PALLD: variants seen among roughly 807,000 people sequenced by gnomAD.
PALLD encodes the protein palladin.
A neutral mutation model predicts 123.5 loss-of-function variants in PALLD; 61 were observed. The ratio of observed to expected loss-of-function variants is 0.49; its 90% CI spans 0.40 to 0.61. The LOEUF (loss-of-function observed/expected upper bound fraction) is 0.61. Among genes scored for constraint, PALLD ranks in the 20% least tolerant of loss-of-function variants. The pLI, the probability that PALLD is intolerant of heterozygous loss-of-function variation, is 0.00. For synonymous variants in PALLD, 465 were observed against 496.4 expected, an observed-to-expected ratio of 0.94 and a Z score of 0.84; for missense variants, 1,273 against 1,377.0, an observed-to-expected ratio of 0.92 and a Z score of 1.20.
intron 10 of PALLD, among the ~76,000 whole-genome samples, chr4:168,872,536 TG>T: frequency 6.6e-6 from 1 of 152,376 alleles, no homozygotes; most frequent in East Asian, 1.9e-4. Context: ...AGCATTTTTT[TG>T]TTTATGGTAC....
chr4:168,651,585 T>C (rs188284752), intron 2 of PALLD, among the ~76,000 whole-genome samples: 341 of 152,256 alleles, frequency 2.2e-3, no homozygotes, highest in Non-Finnish European at 4.0e-3. Context: ...CTCTTTTTTT[T>C]TCCCCCCCGC....
intron 16 of PALLD, 109 bp from the exon 17 acceptor site, chr4:168,915,786 T>C: frequency 2.4e-6 from 2 of 832,646 alleles, no homozygotes; most frequent in South Asian, 2.9e-5. Flanking sequence ...AGGGATCAGA[T>C]AAGGAAATCA....
chr4:168,858,731 G>A (rs1248150841), intron 10 of PALLD, among the ~76,000 whole-genome samples: 5 of 151,858 alleles, frequency 3.3e-5, no homozygotes, highest in South Asian at 2.1e-4. Context: ...GCAGTGAGCC[G>A]TGATAGTGCC....
At chr4:168,614,835 G>A (rs145190303) in intron 2 of PALLD, among the ~76,000 whole-genome samples, 5 of 152,204 alleles carry the variant, frequency 3.3e-5, no homozygotes, top group African/African-American at 1.2e-4. Flanking sequence ...AGTCCTGCAC[G>A]GTAAACCACA....
intron 2 of PALLD, among the ~76,000 whole-genome samples, chr4:168,518,548 G>T (rs1032416524): frequency 1.3e-5 from 2 of 152,150 alleles, no homozygotes; most frequent in African/African-American, 4.8e-5. Context: ...GTTCTTGTCT[G>T]GGGCCTGTGT....
rs1042946483 is a variant in PALLD at position 168,539,391 on chromosome 4, C to A, written c.908+26979C>A. ...AATAACAAGGTCAAGAGTTCGAGAC[C>A]AGCCTGGCTAACATGGAGAAACCCC... On this transcript the variant is annotated intron_variant, in intron 2 of 21. Transcript: ENST00000505667. Among the ~76,000 whole-genome samples, 4 of 152,094 alleles carry A rather than the reference C, an allele frequency of 2.6e-5. No homozygotes were observed. The East Asian group carries it at 7.8e-4, about 30-fold the overall frequency.
At chr4:168,799,659 A>T (rs140206038) in intron 10 of PALLD, among the ~76,000 whole-genome samples, 24 of 152,358 alleles carry the variant, frequency 1.6e-4, no homozygotes, top group African/African-American at 5.3e-4. Context: ...TGCGAAAAGC[A>T]TGTGTAAAAT....
chr4:168,639,801 C>T (rs900571837), intron 2 of PALLD, among the ~76,000 whole-genome samples: 1 of 152,294 alleles, frequency 6.6e-6, no homozygotes, highest in African/African-American at 2.4e-5. Flanking sequence ...GCCTCGGCCA[C>T]CCAAAGTGCT....
rs1561490431 is a variant in PALLD, at chr4:168,759,198, A to ATGT, written c.1964+47275_1964+47276insTGT. Among the ~76,000 whole-genome samples the ATGT allele has an allele frequency of 1.9e-3, 60 of 31,670 alleles. 2 individuals are homozygous for ATGT. The highest frequency in any genetic ancestry group is 3.2e-3 in the Non-Finnish European group (54 of 16,878). The allele number at this position is 31,670 out of a possible 152,430, so 20.8% of individuals were successfully genotyped here. On this transcript the variant is annotated intron_variant, in intron 10 of 21. Coordinates refer to ENST00000505667, the MANE Select transcript of PALLD (RefSeq NM_001166108.2). ...CCATCTCAAAAAAAAAAAAAAAAAA[A>ATGT]AAAAATATATATATATATATATATA...
chr4:168,730,991 A>G (rs1200579293), intron 10 of PALLD, among the ~76,000 whole-genome samples: 1 of 152,120 alleles, frequency 6.6e-6, no homozygotes, highest in Non-Finnish European at 1.5e-5. Flanking sequence ...CCTACAAGAA[A>G]TGGGGGAAGG....
At chr4:168,743,930 G>A (rs568009995) in intron 10 of PALLD, among the ~76,000 whole-genome samples, 116 of 152,256 alleles carry the variant, frequency 7.6e-4, no homozygotes, top group African/African-American at 2.6e-3. Context: ...TAACAGATGG[G>A]AATTTGCTTC....
Position 168,512,103 on chromosome 4 carries a change from C to G in PALLD, c.599C>G (p.Pro200Arg), listed in dbSNP as rs1381722368. The change falls in exon 2 of 22, where the codon CCA becomes CGA. Residue 200 changes from proline (P) to arginine (R), a missense_variant. Pro to Arg is a moderately radical substitution (Grantham distance 103). This residue lies in a region of PALLD where 944 missense variants were observed against 954.5 expected (regional missense o/e 0.99). Coordinates refer to ENST00000505667, the MANE Select transcript of PALLD (RefSeq NM_001166108.2). ...NRSPNGESSS[P>R]DSGYLSPKNQ... ...AGCCCAAATGGGGAGTCCTCGTCAC[C>G]AGACAGTGGGTACCTGTCTCCTAAA... is the stretch of plus-strand genomic sequence containing the variant. The G allele has an allele frequency of 6.2e-7, 1 of 1,613,976 alleles. No homozygotes were observed.
chr4:168,785,058 C>CTTTTTTTT (rs746597278), intron 10 of PALLD, among the ~76,000 whole-genome samples: 1,229 of 84,812 alleles, frequency 0.014, 39 homozygotes, highest in East Asian at 0.035. Context: ...CTCCCTTTTG[C>CTTTTTTTT]TTTTTTTTTT....
At chr4:168,920,744 CTT>C (rs749770586) in intron 17 of PALLD, among the ~76,000 whole-genome samples, 80 of 152,132 alleles carry the variant, frequency 5.3e-4, no homozygotes, top group Admixed American at 1.3e-3. Flanking sequence ...TCGTATTGCT[CTT>C]GTTATTCAGT....
chr4:168,549,301 C>T (rs1042689175), intron 2 of PALLD, among the ~76,000 whole-genome samples: 3 of 150,366 alleles, frequency 2.0e-5, no homozygotes, highest in African/African-American at 7.3e-5. Context: ...GCGTCTAAAC[C>T]AAAAGCATAA....
chr4:168,821,830 A>G (rs896030578), intron 10 of PALLD, among the ~76,000 whole-genome samples: 1 of 150,940 alleles, frequency 6.6e-6, no homozygotes, highest in South Asian at 2.1e-4. Flanking sequence ...CAGTGAGCCG[A>G]CATCGTGCCA....
chr4:168,920,614 CAT>C (rs1440581923), intron 17 of PALLD, among the ~76,000 whole-genome samples: 29 of 152,248 alleles, frequency 1.9e-4, no homozygotes, highest in African/African-American at 6.7e-4. Flanking sequence ...TGCGGCACAA[CAT>C]GTTATTAGCA....
At chr4:168,712,657 G>A (rs939087222) in intron 10 of PALLD, among the ~76,000 whole-genome samples, 8 of 152,190 alleles carry the variant, frequency 5.3e-5, no homozygotes, top group Admixed American at 3.3e-4. Context: ...CTACCATAGC[G>A]CAAGAGACCC....
chr4:168,916,137 G>A (rs1760034071), intron 17 of PALLD, 110 bp downstream of exon 17: 1 of 1,079,414 alleles, frequency 9.3e-7, no homozygotes, highest in East Asian at 2.4e-5. Flanking sequence ...TGAGAGCTGG[G>A]CACAGTGGCT....
Sources: gnomAD v4.1 joint callset for allele counts (sites outside exome capture counted in the v4.1 genomes callset) on GRCh38, gnomAD v4.1.1 for gene constraint, gnomAD v4.1.1 regional missense constraint, MANE v1.5 for transcripts, NCBI Gene and HGNC (gene_info 2026-07-23, HGNC 2026-07-21) for gene names.